Variants in NEGR1 observed in about 807,000 individuals in gnomAD.
NEGR1 encodes neuronal growth regulator 1.
Under a neutral mutation model 40.9 loss-of-function variants are expected in NEGR1, and 10 were observed. The ratio of observed to expected loss-of-function variants is 0.24; its 90% CI spans 0.15 to 0.42. The LOEUF (loss-of-function observed/expected upper bound fraction) is 0.42. Among genes scored for constraint, NEGR1 ranks in the 10% least tolerant of loss-of-function variants. NEGR1 has a pLI of 1.00. For missense variants in NEGR1, 352 were observed against 438.9 expected (o/e 0.80, Z 1.77); for synonymous variants, 185 against 166.8 (o/e 1.11, Z -0.84).
At chr1:71,876,505 G>A (rs565108660) in intron 2 of NEGR1, among the ~76,000 whole-genome samples, 1 of 150,776 alleles carries the variant, frequency 6.6e-6, no homozygotes, top group South Asian at 2.1e-4. Context: ...GACCCTGTCT[G>A]AAAAAGAAAG....
intron 1 of NEGR1, among the ~76,000 whole-genome samples, chr1:72,165,881 C>T (rs1202215216): frequency 6.6e-6 from 1 of 152,034 alleles, no homozygotes; most frequent in Non-Finnish European, 1.5e-5. Flanking sequence ...ATCTTCTCCT[C>T]TCTCACATTG....
At chr1:72,145,944 T>C (rs1475874260) in intron 1 of NEGR1, among the ~76,000 whole-genome samples, 3 of 152,162 alleles carry the variant, frequency 2.0e-5, no homozygotes, top group African/African-American at 4.8e-5. Context: ...ACATACCTTA[T>C]AGTTTTTCTT....
intron 1 of NEGR1, among the ~76,000 whole-genome samples, chr1:72,162,537 G>C (rs1651608381): frequency 6.6e-6 from 1 of 152,058 alleles, no homozygotes; most frequent in Non-Finnish European, 1.5e-5. Context: ...ATTGCCCTAA[G>C]TTCAGAGTGA....
chr1:72,057,974 A>G (rs1382191352), intron 1 of NEGR1, among the ~76,000 whole-genome samples: 1 of 151,434 alleles, frequency 6.6e-6, no homozygotes, highest in African/African-American at 2.4e-5. Context: ...TCAAGATATG[A>G]GCTTTGAGGG....
At chr1:72,043,061 C>T (rs1646969972) in intron 1 of NEGR1, among the ~76,000 whole-genome samples, 2 of 151,914 alleles carry the variant, frequency 1.3e-5, no homozygotes, top group African/African-American at 2.4e-5. Context: ...TACCAGGCCA[C>T]ATACCCTTAA....
intron 3 of NEGR1, among the ~76,000 whole-genome samples, chr1:71,768,380 T>TTTATTA (rs1656202937): frequency 6.6e-6 from 1 of 152,090 alleles, no homozygotes; most frequent in African/African-American, 2.4e-5. Flanking sequence ...TATTTTGAAG[T>TTTATTA]TTTGAGATTT....
intron 3 of NEGR1, among the ~76,000 whole-genome samples, chr1:71,768,248 C>T (rs907562127): frequency 5.3e-5 from 8 of 152,144 alleles, no homozygotes. Context: ...TCAACATTAG[C>T]CCATGAGAGC....
Position 71,894,354 on chromosome 1 carries a change from A to G in NEGR1, c.409+40725T>C, listed in dbSNP as rs1660903507. On this transcript the variant is annotated intron_variant, in intron 2 of 6. Coordinates refer to ENST00000357731, the MANE Select transcript of NEGR1 (RefSeq NM_173808.3). ...TAGTAGTTCAAGAATCAGGGGAACCACATTGAAACAGGAATAGGGGCTCTT... is the reference window on the plus strand; with the variant it reads ...TAGTAGTTCAAGAATCAGGGGAACCGCATTGAAACAGGAATAGGGGCTCTT... 2.0e-5 allele frequency among the ~76,000 whole-genome samples: 3 copies of G among 152,314 alleles called. No homozygotes were observed. In the East Asian group the frequency reaches 5.8e-4, roughly 29 times the overall value.
At chr1:72,041,132 A>T (rs143607757) in intron 1 of NEGR1, among the ~76,000 whole-genome samples, 10 of 152,172 alleles carry the variant, frequency 6.6e-5, no homozygotes, top group African/African-American at 1.2e-4. Flanking sequence ...TAAAACATTT[A>T]AAAATATGCT....
intron 1 of NEGR1, among the ~76,000 whole-genome samples, chr1:72,124,680 T>C (rs1003958636): frequency 2.0e-5 from 3 of 152,062 alleles, no homozygotes; most frequent in Admixed American, 6.6e-5. Context: ...ATAACTATCT[T>C]ATGTATGCTA....
intron 5 of NEGR1, among the ~76,000 whole-genome samples, chr1:71,605,078 A>T (rs532505850): frequency 7.9e-4 from 121 of 152,294 alleles, no homozygotes; most frequent in Non-Finnish European, 1.5e-3. Flanking sequence ...AATAGGAAAG[A>T]AATGCGGTTG....
chr1:72,026,750 C>T (rs1325494228), intron 1 of NEGR1, among the ~76,000 whole-genome samples: 1 of 152,048 alleles, frequency 6.6e-6, no homozygotes, highest in Non-Finnish European at 1.5e-5. Context: ...TTACAAACTC[C>T]TCCCTGAAAC....
chr1:71,511,166 C>G (rs934896509), intron 6 of NEGR1, among the ~76,000 whole-genome samples: 1 of 152,166 alleles, frequency 6.6e-6, no homozygotes, highest in Non-Finnish European at 1.5e-5. Flanking sequence ...CAGTTGACAC[C>G]AGCATTCAGC....
intron 2 of NEGR1, among the ~76,000 whole-genome samples, chr1:71,779,269 C>CT (rs1441561623): frequency 6.6e-6 from 1 of 152,128 alleles, no homozygotes; most frequent in African/African-American, 2.4e-5. Flanking sequence ...CTTTTACTGA[C>CT]TATCATGAAG....
chr1:71,834,593 A>G (rs2101794980), intron 2 of NEGR1, among the ~76,000 whole-genome samples: 1 of 152,058 alleles, frequency 6.6e-6, no homozygotes, highest in African/African-American at 2.4e-5. Flanking sequence ...AGTGACTTAT[A>G]CAACTGGCTT....
intron 6 of NEGR1, among the ~76,000 whole-genome samples, chr1:71,583,099 A>G (rs1649188642): frequency 6.9e-6 from 1 of 145,340 alleles, no homozygotes; most frequent in Non-Finnish European, 1.5e-5. Context: ...GAAGAAAATA[A>G]GAGGAAGGGA....
chr1:71,626,690 T>C (rs1420581663), intron 4 of NEGR1, among the ~76,000 whole-genome samples: 10 of 151,924 alleles, frequency 6.6e-5, no homozygotes, highest in African/African-American at 2.4e-4. Flanking sequence ...GAAACTACCA[T>C]CAGAGTGAAC....
intron 1 of NEGR1, among the ~76,000 whole-genome samples, chr1:72,281,414 G>A (rs566719595): frequency 6.6e-6 from 1 of 152,224 alleles, no homozygotes; most frequent in Admixed American, 6.5e-5. Context: ...GGATGTGAGA[G>A]TATGTGAGTT....
At chr1:71,902,736 T>C (rs2101864976) in intron 2 of NEGR1, among the ~76,000 whole-genome samples, 1 of 152,320 alleles carries the variant, frequency 6.6e-6, no homozygotes, top group South Asian at 2.1e-4. Context: ...GAATCATTTT[T>C]GAAATTTTTA....
Sources: gnomAD v4.1 joint callset for allele counts (sites outside exome capture counted in the v4.1 genomes callset) on GRCh38, gnomAD v4.1.1 for gene constraint, MANE v1.5 for transcripts, NCBI Gene and HGNC (gene_info 2026-07-23, HGNC 2026-07-21) for gene names.